The following SKOR2 variants were observed in gnomAD, a reference collection of about 807,000 sequenced individuals.
The protein encoded by SKOR2 is SKI family transcriptional corepressor 2, also known as LBX1 corepressor 1-like protein.
Under a neutral mutation model 69.1 loss-of-function variants are expected in SKOR2, and 47 were observed. That is an observed-to-expected ratio of 0.68 (90% CI 0.54 to 0.87). The LOEUF is 0.87. Among genes scored for constraint, SKOR2 ranks in the 40% least tolerant of loss-of-function variants. SKOR2 has a pLI of 0.00. For missense variants in SKOR2, 1,404 were observed against 1,472.2 expected (o/e 0.95, Z 0.76); for synonymous variants, 717 against 672.6 (o/e 1.07, Z -1.02).
intron 6 of SKOR2, among the ~76,000 whole-genome samples, chr18:47,230,150 T>C (rs2064192279): frequency 6.6e-6 from 1 of 151,818 alleles, no homozygotes; most frequent in South Asian, 2.1e-4. Context: ...ATAATCGAAC[T>C]ATATCTAAAT....
At chr18:47,212,226 C>T (rs2064130021) in intron 7 of SKOR2, 75 bp from the exon 8 acceptor site, 7 of 1,192,396 alleles carry the variant, frequency 5.9e-6, no homozygotes, top group Non-Finnish European at 7.3e-6. Context: ...GACCCTTCAT[C>T]ATGCCTAACA....
In SKOR2 at chr18:47,219,936, A is replaced by G. The variant is rs1330277662; in HGVS notation, c.2985+7T>C. The G allele has an allele frequency of 6.5e-7, 1 of 1,535,004 alleles. No individual in the cohort carries two copies. Among genetic ancestry groups the G allele is most frequent in the African/African-American group, 1.4e-5 (1 of 72,994 alleles). The stretch of plus-strand genomic sequence containing the variant: ...TGCATTTATTTTTAAGTAGAAATGC[A>G]GCTTACAATTTGTAACTGTTGCACC... On this transcript the variant is annotated splice_region_variant and intron_variant, in intron 7 of 8. Transcript: ENST00000425639.
chr18:47,247,387 A>C lies in SKOR2; in HGVS notation c.1797T>G (p.Val599=), dbSNP rs1313957545. The change falls in exon 2 of 9, where the codon GTT becomes GTG. Residue 599 remains valine, a synonymous_variant. Coordinates refer to ENST00000425639, the MANE Select transcript of SKOR2 (RefSeq NM_001278063.4). The surrounding 1 kb of genome is among the most constrained non-coding windows in gnomAD (Gnocchi z 6.6). ...AAGSGPAGSR[V]PAPHHPHLLE... ...GAAGGTGCGGATGGTGGGGCGCCGG[A>C]ACCCGGGAGCCCGCGGGGCCAGACC... 1.4e-6 allele frequency: 2 copies of C among 1,394,884 alleles called. No individual in the cohort carries two copies. The highest frequency in any genetic ancestry group is 3.0e-5 in the African/African-American group (2 of 66,578). 86.4% of individuals were successfully genotyped at this position (1,394,884 alleles called of 1,614,324 possible). A position where few individuals can be genotyped will look rare whatever the true frequency, so the allele number is the denominator to read the frequency against.
rs1195578185 is a variant in SKOR2, at chr18:47,245,572, A to C, written c.2614-11T>G. The stretch of plus-strand genomic sequence containing the variant: ...CTTAGTTTTCTGACTCTGTGTGGAA[A>C]AGAATTAGACATACAAATCAATGCC... On this transcript the variant is annotated splice_polypyrimidine_tract_variant and intron_variant, in intron 2 of 8. Transcript: ENST00000425639. 10 of 1,500,748 alleles carry C rather than the reference A, an allele frequency of 6.7e-6. No individual in the cohort carries two copies. Among genetic ancestry groups the C allele is most frequent in the Non-Finnish European group, 8.8e-6 (10 of 1,132,692 alleles). 93.0% of individuals were successfully genotyped at this position (1,500,748 alleles called of 1,614,324 possible). A position where few individuals can be genotyped will look rare whatever the true frequency, so the allele number is the denominator to read the frequency against.
chr18:47,211,672 C>T (rs1224010574), intron 8 of SKOR2, among the ~76,000 whole-genome samples: 1 of 152,152 alleles, frequency 6.6e-6, no homozygotes, highest in Non-Finnish European at 1.5e-5. Flanking sequence ...CATATTACCA[C>T]CTGCAGTAAC....
intron 4 of SKOR2, among the ~76,000 whole-genome samples, chr18:47,232,855 T>C (rs1304689880): frequency 1.3e-5 from 2 of 152,220 alleles, no homozygotes; most frequent in Non-Finnish European, 2.9e-5. Context: ...GTAATGGCCC[T>C]GGGCACTTGT....
Position 47,246,889 on chromosome 18 carries a change from G to A in SKOR2, c.2295C>T (p.Asp765=). 6.7e-7 allele frequency: 1 copy of A among 1,490,076 alleles called. No individual in the cohort carries two copies. The allele number at this position is 1,490,076 out of a possible 1,614,324, so 92.3% of individuals were successfully genotyped here. The change falls in exon 2 of 9, where the codon GAC becomes GAT. Residue 765 remains aspartate, a synonymous_variant. Transcript: ENST00000425639. ...CCGTCTCCTCGTCCTCTTCCTCGTC[G>A]TCGTCAGGGTCTCGACCTTCCTCCT... The part of the protein sequence containing the change: ...EEEEEGRDPD[D]DEEEDEETEV...
Position 47,247,310 on chromosome 18 carries a change from C to T in SKOR2, c.1874G>A (p.Arg625Gln). The T allele has an allele frequency of 1.3e-6, 2 of 1,483,466 alleles. No homozygotes were observed. Among genetic ancestry groups the T allele is most frequent in the Non-Finnish European group, 1.8e-6 (2 of 1,122,990 alleles). 91.9% of individuals were successfully genotyped at this position (1,483,466 alleles called of 1,614,324 possible). A position where few individuals can be genotyped will look rare whatever the true frequency, so the allele number is the denominator to read the frequency against. Residue 625 changes from arginine (R) to glutamine (Q), a missense_variant, in exon 2 of 9, where the codon CGG becomes CAG. This residue lies in a region of SKOR2 where 1,266 missense variants were observed against 1,309.9 expected (regional missense o/e 0.97). Coordinates refer to ENST00000425639, the MANE Select transcript of SKOR2 (RefSeq NM_001278063.4). This position sits in a 1 kb window ranked among gnomAD's most constrained non-coding sequence, Gnocchi z 6.6. ...GGSYHHSSAF[R>Q]PVGGKDDAES... is the part of the protein sequence containing the mutation. The stretch of plus-strand genomic sequence containing the variant: ...CGCGTCGTCCTTGCCGCCCACTGGC[C>T]GGAAGGCGCTGGAATGGTGGTAGCT...
At position 47,248,632 on chromosome 18, in the gene SKOR2, G is replaced by A; in HGVS notation, c.552C>T (p.Asn184=). 1 of 1,556,718 alleles carries A rather than the reference G, an allele frequency of 6.4e-7. No homozygotes were observed. Among genetic ancestry groups the A allele is most frequent in the Non-Finnish European group, 8.6e-7 (1 of 1,156,556 alleles). The change falls in exon 2 of 9, where the codon AAC becomes AAT. Residue 184 remains asparagine, a synonymous_variant. Transcript: ENST00000425639. This position sits in a 1 kb window ranked among gnomAD's most constrained non-coding sequence, Gnocchi z 6.4. ...TGCGGTGGGAGTGGAAAATGAACTT[G>A]TTGGGCGAGAAGTACATGTTGCAGT... ...CSYCNMYFSP[N]KFIFHSHRTP... is the part of the protein sequence containing the mutation.
chr18:47,239,098 G>A (rs17785419), intron 4 of SKOR2, among the ~76,000 whole-genome samples: 56,534 of 152,016 alleles, frequency 0.37, 11,137 homozygotes, highest in Middle Eastern at 0.47. Context: ...TAGGGTCAAA[G>A]TTAACCTACA....
Position 47,212,133 on chromosome 18 carries a change from A to C in SKOR2, c.3004T>G (p.Leu1002Val). Residue 1002 changes from leucine to valine, a missense_variant, in exon 8 of 9, where the codon TTG (leucine) becomes GTG (valine). This residue lies in a region of SKOR2 where 1,266 missense variants were observed against 1,309.9 expected (regional missense o/e 0.97). Coordinates refer to ENST00000425639, the MANE Select transcript of SKOR2 (RefSeq NM_001278063.4). ...QLQIIPYAAS[L>V]IRKEKLGAHL... is the part of the protein sequence containing the mutation. ...GCGCCAAGCTTTTCTTTCCTGATCAAACTTGCTGCATAGGGGATCTGTAAG... is the reference window on the plus strand; with the variant it reads ...GCGCCAAGCTTTTCTTTCCTGATCACACTTGCTGCATAGGGGATCTGTAAG... The C allele has an allele frequency of 1.6e-6, 2 of 1,232,020 alleles. No individual in the cohort carries two copies. Among genetic ancestry groups the C allele is most frequent in the Non-Finnish European group, 2.0e-6 (2 of 987,876 alleles). The allele number at this position is 1,232,020 out of a possible 1,614,324, so 76.3% of individuals were successfully genotyped here.
At chr18:47,220,174 T>A (rs181406173) in intron 6 of SKOR2, among the ~76,000 whole-genome samples, 164 bp from the exon 7 acceptor site, 1 of 152,352 alleles carries the variant, frequency 6.6e-6, no homozygotes, top group Admixed American at 6.5e-5. Flanking sequence ...TTCAACACTC[T>A]ATAATTTAAT....
chr18:47,250,811 T>C (rs113628297), intron 1 of SKOR2, among the ~76,000 whole-genome samples: 2,427 of 152,266 alleles, frequency 0.016, 31 homozygotes, highest in Non-Finnish European at 0.025. Context: ...GGGCGTTACA[T>C]GGCAGTTCAA....
rs558212229 is a variant in SKOR2 at position 47,210,447 on chromosome 18, G to A, written c.*3+1639C>T. Among the ~76,000 whole-genome samples the A allele has an allele frequency of 7.2e-5, 11 of 152,146 alleles. No individual in the cohort carries two copies. The East Asian group carries it at 2.1e-3, about 29-fold the overall frequency. The stretch of plus-strand genomic sequence containing the variant: ...ATGATTTATAAACTTTGAATAAGAA[G>A]GTTATTTTTAAAAACATCCTAATAT... On this transcript the variant is annotated intron_variant, in intron 8 of 8. Transcript: ENST00000425639.
chr18:47,212,078 G>A lies in SKOR2; in HGVS notation c.*3+8C>T. Reference sequence around the variant, plus strand: ...GTTAAGAAAATCTCTTTCCTCTGGTGATCTTACCTTTTAGCTTTTGCTGAG... The same window carrying A: ...GTTAAGAAAATCTCTTTCCTCTGGTAATCTTACCTTTTAGCTTTTGCTGAG... On this transcript the variant is annotated splice_region_variant and intron_variant, in intron 8 of 8. Coordinates refer to ENST00000425639, the MANE Select transcript of SKOR2 (RefSeq NM_001278063.4). 1 of 1,231,932 alleles carries A rather than the reference G, an allele frequency of 8.1e-7. No homozygotes were observed. The highest frequency in any genetic ancestry group is 1.0e-6 in the Non-Finnish European group (1 of 987,848). The allele number at this position is 1,231,932 out of a possible 1,614,324, so 76.3% of individuals were successfully genotyped here.
chr18:47,245,321 T>G (rs908431276), intron 3 of SKOR2, among the ~76,000 whole-genome samples, 177 bp downstream of exon 3: 10 of 152,220 alleles, frequency 6.6e-5, no homozygotes, highest in East Asian at 1.9e-4. Flanking sequence ...TATAGAAATG[T>G]TGATCTTTGA....
chr18:47,212,218 C>T (rs1727394760), intron 7 of SKOR2, 67 bp from the exon 8 acceptor site: 1 of 1,209,354 alleles, frequency 8.3e-7, no homozygotes, highest in South Asian at 4.2e-5. Flanking sequence ...GTAATGGAGA[C>T]CCTTCATCAT....
At chr18:47,245,477 G>GTTTTTTTTTTTTTTTTTTTTTTTTTTTT (rs762834867) in intron 3 of SKOR2, 21 bp downstream of exon 3, 1 of 517,754 alleles carries the variant, frequency 1.9e-6, no homozygotes, top group African/African-American at 7.2e-5. Context: ...AGTGGCAGCT[G>GTTTTTTTTTTTTTTTTTTTTTTTTTTTT]ATTTTTTTTT....
At position 47,230,490 on chromosome 18, in the gene SKOR2, C is replaced by T; in HGVS notation, c.2886G>A (p.Val962=). Residue 962 remains valine, a synonymous_variant, in exon 6 of 9, where the codon GTG becomes GTA. Transcript: ENST00000425639. ...LRRRLEQEFQ[V]LKGNTSFPVF... ...CTGGGAAAGATGTGTTTCCTTTTAACACCTGGAATTCTTGTTCCAGTCGTC... is the reference window on the plus strand; with the variant it reads ...CTGGGAAAGATGTGTTTCCTTTTAATACCTGGAATTCTTGTTCCAGTCGTC... 1 of 1,452,422 alleles carries T rather than the reference C, an allele frequency of 6.9e-7. No homozygotes were observed. Among genetic ancestry groups the T allele is most frequent in the Non-Finnish European group, 9.0e-7 (1 of 1,109,906 alleles). The allele number at this position is 1,452,422 out of a possible 1,614,324, so 90.0% of individuals were successfully genotyped here.
Sources: gnomAD v4.1 joint callset for allele counts (sites outside exome capture counted in the v4.1 genomes callset) on GRCh38, gnomAD v4.1.1 for gene constraint, gnomAD v4.1.1 regional missense constraint, Gnocchi (gnomAD v3.1) non-coding constraint, MANE v1.5 for transcripts, NCBI Gene and HGNC (gene_info 2026-07-23, HGNC 2026-07-21) for gene names.